The following ASXL3 variants were observed in gnomAD, a reference collection of about 807,000 sequenced individuals.
ASXL3 encodes ASXL transcriptional regulator 3.
A neutral mutation model predicts 170.6 loss-of-function variants in ASXL3; 34 were observed. The ratio of observed to expected loss-of-function variants is 0.20; its 90% CI spans 0.15 to 0.27. The LOEUF (loss-of-function observed/expected upper bound fraction) is 0.27, where lower values mean the gene tolerates loss of function less well. ASXL3 is among the 10% of genes least tolerant of loss of function. The probability of loss-of-function intolerance (pLI) is 1.00; values close to 1 mark genes in which losing one functional copy is unlikely to be tolerated. For synonymous variants in ASXL3, 1,002 were observed against 989.1 expected, an observed-to-expected ratio of 1.01 and a Z score of -0.24; for missense variants, 2,592 against 2,695.3, an observed-to-expected ratio of 0.96 and a Z score of 0.85.
intron 5 of ASXL3, among the ~76,000 whole-genome samples, chr18:33,664,772 T>G (rs2066231999): frequency 6.6e-6 from 1 of 152,230 alleles, no homozygotes; most frequent in African/African-American, 2.4e-5. Flanking sequence ...GCACTGTTGA[T>G]TGCAGTGTAA....
chr18:33,726,394 A>G (rs1299730723), intron 8 of ASXL3, among the ~76,000 whole-genome samples: 1 of 152,116 alleles, frequency 6.6e-6, no homozygotes, highest in Non-Finnish European at 1.5e-5. Context: ...TGCTAAAGCT[A>G]TGCTGTCTAG....
At chr18:33,580,558 T>C (rs2064983364) in intron 1 of ASXL3, among the ~76,000 whole-genome samples, 1 of 152,238 alleles carries the variant, frequency 6.6e-6, no homozygotes, top group Admixed American at 6.5e-5. Flanking sequence ...ATAACATTAC[T>C]CTGATGGAAT....
At chr18:33,609,074 A>G (rs2145126800) in intron 2 of ASXL3, 1 of 984,742 alleles carries the variant, frequency 1.0e-6, no homozygotes, top group Non-Finnish European at 1.2e-6. Flanking sequence ...CAGTGGATAG[A>G]TTAGTTGCTA....
chr18:33,612,327 A>ATAGTTGATGTTAAATTTCATTTATAGT, intron 2 of ASXL3, among the ~76,000 whole-genome samples: 1 of 152,192 alleles, frequency 6.6e-6, no homozygotes. Flanking sequence ...AATTTCATCA[A>ATAGTTGATGTTAAATTTCATTTATAGT]CTGTTTAAAG....
At chr18:33,670,837 A>C (rs1425696953) in intron 6 of ASXL3, 47 bp downstream of exon 6, 1 of 1,254,524 alleles carries the variant, frequency 8.0e-7, no homozygotes, top group Non-Finnish European at 1.1e-6. Flanking sequence ...TTCCTGGAGG[A>C]GACTTCCTCA....
intron 7 of ASXL3, among the ~76,000 whole-genome samples, chr18:33,674,972 A>C (rs1479917297): frequency 1.3e-5 from 2 of 152,118 alleles, no homozygotes; most frequent in Non-Finnish European, 2.9e-5. Context: ...AATCAGACTG[A>C]TATTTAATAC....
chr18:33,627,966 G>C (rs754103663), intron 2 of ASXL3, among the ~76,000 whole-genome samples: 21 of 152,088 alleles, frequency 1.4e-4, no homozygotes, highest in Non-Finnish European at 2.8e-4. Context: ...TACAGGTAAA[G>C]AACTGAAAAG....
Position 33,671,749 on chromosome 18 carries a change from T to C in ASXL3, c.598T>C (p.Ser200Pro), listed in dbSNP as rs1276859529. 4 of 1,601,882 alleles carry C rather than the reference T, an allele frequency of 2.5e-6. No homozygotes were observed. In the South Asian group the frequency reaches 4.6e-5, roughly 18 times the overall value. The change falls in exon 7 of 12, where the codon TCT (serine) becomes CCT (proline). Residue 200 changes from serine to proline, a missense_variant and splice_region_variant. Physicochemically the swap from Ser to Pro is moderately conservative, Grantham distance 74. Transcript: ENST00000269197. The stretch of plus-strand genomic sequence containing the variant: ...ATAATAACTATTTCCTTTTTTAGGA[T>C]CTGAATCTAAAAATGGTGAAGCAGA... The part of the protein sequence containing the change: ...SDEQSDSPSG[S>P]ESKNGEADSS...
At chr18:33,632,920 C>T (rs1456957951) in intron 2 of ASXL3, among the ~76,000 whole-genome samples, 2 of 152,148 alleles carry the variant, frequency 1.3e-5, no homozygotes, top group Non-Finnish European at 2.9e-5. Flanking sequence ...GGCATTTAAA[C>T]TGTGGAACTA....
chr18:33,607,308 A>C (rs1482559825), intron 1 of ASXL3, among the ~76,000 whole-genome samples: 1 of 151,982 alleles, frequency 6.6e-6, no homozygotes, highest in Non-Finnish European at 1.5e-5. Context: ...AAAGGAAATT[A>C]TATACATTTG....
At chr18:33,708,695 A>G (rs1599524228) in intron 8 of ASXL3, among the ~76,000 whole-genome samples, 1 of 152,318 alleles carries the variant, frequency 6.6e-6, no homozygotes, top group African/African-American at 2.4e-5. Flanking sequence ...AACAATCAAA[A>G]GTATTCTCTA....
At chr18:33,614,878 C>T (rs555131607) in intron 2 of ASXL3, 1 of 151,734 alleles carries the variant, frequency 6.6e-6, no homozygotes, top group African/African-American at 2.4e-5. Flanking sequence ...ATTCAGTAAA[C>T]CATGTTGCAA....
At chr18:33,735,018 ACACATT>A (rs1351111959) in intron 10 of ASXL3, among the ~76,000 whole-genome samples, 2 of 152,170 alleles carry the variant, frequency 1.3e-5, no homozygotes, top group Non-Finnish European at 2.9e-5. Context: ...TTTAACAGAG[ACACATT>A]CTGCTTTGGC....
chr18:33,708,729 G>A (rs1019434510), intron 8 of ASXL3, among the ~76,000 whole-genome samples: 1 of 152,108 alleles, frequency 6.6e-6, no homozygotes, highest in African/African-American at 2.4e-5. Flanking sequence ...GGTTCCAGGA[G>A]GAAAAATTCC....
At chr18:33,714,956 C>A (rs998908878) in intron 8 of ASXL3, among the ~76,000 whole-genome samples, 3 of 152,230 alleles carry the variant, frequency 2.0e-5, no homozygotes, top group Admixed American at 2.0e-4. Context: ...AGTTACCTAA[C>A]AAGGACAGCT....
intron 1 of ASXL3, among the ~76,000 whole-genome samples, chr18:33,599,570 C>G (rs2065163133): frequency 6.6e-6 from 1 of 152,028 alleles, no homozygotes; most frequent in Admixed American, 6.6e-5. Context: ...AATTGGAAAA[C>G]AATGGGGATT....
chr18:33,616,186 G>A (rs1035692348), intron 2 of ASXL3, among the ~76,000 whole-genome samples: 2 of 152,112 alleles, frequency 1.3e-5, no homozygotes, highest in Non-Finnish European at 2.9e-5. Flanking sequence ...ATCATTATGT[G>A]AAATGTTACC....
At chr18:33,710,362 T>C in intron 8 of ASXL3, among the ~76,000 whole-genome samples, 1 of 152,228 alleles carries the variant, frequency 6.6e-6, no homozygotes, top group East Asian at 1.9e-4. Flanking sequence ...TAAGGCTAGC[T>C]AGGAAACTGT....
chr18:33,633,466 T>C (rs559013595), intron 2 of ASXL3, among the ~76,000 whole-genome samples: 1 of 152,328 alleles, frequency 6.6e-6, no homozygotes, highest in South Asian at 2.1e-4. Flanking sequence ...ATTTTTGATA[T>C]GTTACTTTTT....
Sources: gnomAD v4.1 joint callset for allele counts (sites outside exome capture counted in the v4.1 genomes callset) on GRCh38, gnomAD v4.1.1 for gene constraint, MANE v1.5 for transcripts, NCBI Gene and HGNC (gene_info 2026-07-23, HGNC 2026-07-21) for gene names.